The following CNTN5 variants were observed in gnomAD, a reference collection of about 807,000 sequenced individuals.
CNTN5 encodes contactin 5, also known as contactin-5.
Under a neutral mutation model 129.1 loss-of-function variants are expected in CNTN5, and 77 were observed. The observed-to-expected ratio is 0.60, with a 90% CI of 0.50 to 0.72. The LOEUF is 0.72. Ranked by LOEUF, CNTN5 falls within the 30% of genes least tolerant of loss-of-function variation. The pLI, the probability that CNTN5 is intolerant of heterozygous loss-of-function variation, is 0.00. For missense variants in CNTN5, 1,478 were observed against 1,328.8 expected (o/e 1.11, Z -1.75); for synonymous variants, 509 against 465.6 (o/e 1.09, Z -1.20).
chr11:99,063,351 G>C (rs560399525), intron 1 of CNTN5, among the ~76,000 whole-genome samples: 4 of 152,006 alleles, frequency 2.6e-5, no homozygotes, highest in African/African-American at 9.7e-5. Flanking sequence ...TTGAGGAGGA[G>C]CATCAAAGAA....
At chr11:99,644,036 T>C (rs1197025538) in intron 3 of CNTN5, among the ~76,000 whole-genome samples, 1 of 152,186 alleles carries the variant, frequency 6.6e-6, no homozygotes, top group Non-Finnish European at 1.5e-5. Flanking sequence ...GAATTAAATA[T>C]GTAAGAATTT....
chr11:99,862,455 T>C (rs1447180442), intron 6 of CNTN5, among the ~76,000 whole-genome samples: 1 of 152,122 alleles, frequency 6.6e-6, no homozygotes, highest in African/African-American at 2.4e-5. Flanking sequence ...TCATGGATTA[T>C]GTGGACTTTG....
intron 3 of CNTN5, among the ~76,000 whole-genome samples, chr11:99,677,031 A>G (rs1242444377): frequency 2.6e-5 from 4 of 152,118 alleles, no homozygotes; most frequent in Non-Finnish European, 5.9e-5. Flanking sequence ...TTATATTTCT[A>G]TCTCCTACTC....
chr11:100,254,327 A>G (rs1445495894), intron 16 of CNTN5, among the ~76,000 whole-genome samples: 1 of 152,148 alleles, frequency 6.6e-6, no homozygotes, highest in African/African-American at 2.4e-5. Flanking sequence ...TGTAGACAGT[A>G]TTATATTCTT....
intron 7 of CNTN5, among the ~76,000 whole-genome samples, chr11:99,934,292 T>C (rs1325974005): frequency 1.3e-5 from 2 of 152,212 alleles, no homozygotes; most frequent in Non-Finnish European, 2.9e-5. Flanking sequence ...AGAATCTTTT[T>C]CTTAACCCAG....
intron 21 of CNTN5, among the ~76,000 whole-genome samples, chr11:100,329,178 A>T (rs1951851230): frequency 6.6e-6 from 1 of 152,022 alleles, no homozygotes; most frequent in Non-Finnish European, 1.5e-5. Context: ...TTCCCTGGTG[A>T]CCTGTATGAC....
At chr11:99,946,221 A>G (rs2136130196) in intron 7 of CNTN5, among the ~76,000 whole-genome samples, 1 of 152,284 alleles carries the variant, frequency 6.6e-6, no homozygotes, top group East Asian at 1.9e-4. Flanking sequence ...TTCCACAACT[A>G]TAATATTGTG....
At chr11:99,129,155 T>G (rs1402404984) in intron 1 of CNTN5, among the ~76,000 whole-genome samples, 1 of 152,166 alleles carries the variant, frequency 6.6e-6, no homozygotes, top group Non-Finnish European at 1.5e-5. Context: ...TAAACTTCGC[T>G]GAACTAAAGG....
In CNTN5 at chr11:99,742,929, GA is replaced by G. The variant is rs552421587; in HGVS notation, c.56-76612del. On this transcript the variant is annotated intron_variant, in intron 3 of 24. Transcript: ENST00000524871. ...ACACAAGGCAAAGCTTCTGCCTTCAGAAAGCTCACAGTCTCACAGAGGACTT... is the reference window on the plus strand; with the variant it reads ...ACACAAGGCAAAGCTTCTGCCTTCAGAAGCTCACAGTCTCACAGAGGACTT... 1.6e-3 allele frequency among the ~76,000 whole-genome samples: 238 copies of G among 152,324 alleles called. 1 individual carries two copies. The highest frequency in any genetic ancestry group is 5.5e-3 in the African/African-American group (227 of 41,584).
intron 3 of CNTN5, among the ~76,000 whole-genome samples, chr11:99,779,721 A>G (rs2135380887): frequency 6.6e-6 from 1 of 152,180 alleles, no homozygotes; most frequent in African/African-American, 2.4e-5. Context: ...AGTATCTTGT[A>G]GCAATGTTTA....
chr11:100,129,046 T>G (rs1946291077), intron 13 of CNTN5, among the ~76,000 whole-genome samples: 1 of 152,158 alleles, frequency 6.6e-6, no homozygotes, highest in Admixed American at 6.6e-5. Flanking sequence ...CTAGAGAATA[T>G]GAGGCCAGAA....
intron 2 of CNTN5, among the ~76,000 whole-genome samples, chr11:99,361,272 A>G (rs1447952531): frequency 6.6e-6 from 1 of 152,104 alleles, no homozygotes; most frequent in African/African-American, 2.4e-5. Flanking sequence ...ATTCACTTTA[A>G]AATTCGTCCA....
chr11:100,140,350 T>C (rs752417103), intron 13 of CNTN5, among the ~76,000 whole-genome samples: 1 of 152,076 alleles, frequency 6.6e-6, no homozygotes, highest in Non-Finnish European at 1.5e-5. Flanking sequence ...CAAGTGAGTA[T>C]GATAAATGTA....
At chr11:99,439,336 A>G (rs549191884) in intron 2 of CNTN5, among the ~76,000 whole-genome samples, 2 of 151,720 alleles carry the variant, frequency 1.3e-5, no homozygotes, top group Non-Finnish European at 2.9e-5. Flanking sequence ...AAGATTTTAG[A>G]GAGGAAATAT....
intron 3 of CNTN5, among the ~76,000 whole-genome samples, chr11:99,652,761 C>G (rs1399085785): frequency 6.6e-6 from 1 of 151,948 alleles, no homozygotes; most frequent in Non-Finnish European, 1.5e-5. Flanking sequence ...ATTATATAAT[C>G]ATTATTTTGT....
intron 2 of CNTN5, among the ~76,000 whole-genome samples, chr11:99,490,685 C>A (rs1182836361): frequency 6.6e-6 from 1 of 152,082 alleles, no homozygotes; most frequent in Non-Finnish European, 1.5e-5. Flanking sequence ...TGCATGATGC[C>A]TTAGGATGTC....
chr11:99,504,802 C>T (rs1353151663), intron 2 of CNTN5, among the ~76,000 whole-genome samples: 1 of 152,020 alleles, frequency 6.6e-6, no homozygotes, highest in Non-Finnish European at 1.5e-5. Flanking sequence ...ATTAGAGTTC[C>T]CTTGACCTTG....
chr11:99,127,311 A>G (rs1858690301), intron 1 of CNTN5, among the ~76,000 whole-genome samples: 1 of 152,170 alleles, frequency 6.6e-6, no homozygotes, highest in Non-Finnish European at 1.5e-5. Context: ...ATAAATGTTC[A>G]TCTACAATGT....
intron 2 of CNTN5, among the ~76,000 whole-genome samples, chr11:99,371,063 C>A (rs1591586860): frequency 6.6e-6 from 1 of 152,126 alleles, no homozygotes; most frequent in Admixed American, 6.5e-5. Context: ...GAGAGGCAGT[C>A]TGACTCATCA....
Sources: gnomAD v4.1 joint callset for allele counts (sites outside exome capture counted in the v4.1 genomes callset) on GRCh38, gnomAD v4.1.1 for gene constraint, MANE v1.5 for transcripts, NCBI Gene and HGNC (gene_info 2026-07-23, HGNC 2026-07-21) for gene names.